Variants in KRT20 observed in about 807,000 individuals in gnomAD.
KRT20 encodes the protein keratin, type I cytoskeletal 20.
KRT20 carries 41 observed loss-of-function variants against 43.0 expected under a neutral mutation model. The ratio of observed to expected loss-of-function variants is 0.95; its 90% CI spans 0.74 to 1.24. KRT20 has a LOEUF of 1.24. Ranked by LOEUF, KRT20 falls within the 50% of genes most tolerant of loss-of-function variation. The probability of loss-of-function intolerance (pLI) is 0.00; values close to 1 mark genes in which losing one functional copy is unlikely to be tolerated. For missense variants in KRT20, 533 were observed against 521.2 expected, an observed-to-expected ratio of 1.02 and a Z score of -0.22; for synonymous variants, 207 against 200.6, an observed-to-expected ratio of 1.03 and a Z score of -0.27.
chr17:40,880,196 G>T lies in KRT20; in HGVS notation c.696C>A (p.Gly232=), dbSNP rs774695971. The T allele has an allele frequency of 8.7e-6, 14 of 1,614,022 alleles. No homozygotes were observed. The highest frequency in any genetic ancestry group is 1.1e-5 in the Non-Finnish European group (13 of 1,179,986). The change falls in exon 4 of 8, where the codon GGC becomes GGA. Residue 232 remains glycine, a synonymous_variant. Transcript: ENST00000167588. ...TVNVEVDAAP[G]LNLGVIMNEM... is the part of the protein sequence containing the mutation. ...CATTCATGATGACGCCAAGGTTCAGGCCTGGAGCAGCATCAACCTCCACAT... is the reference window on the plus strand; with the variant it reads ...CATTCATGATGACGCCAAGGTTCAGTCCTGGAGCAGCATCAACCTCCACAT...
Position 40,878,220 on chromosome 17 carries a change from A to T in KRT20, c.1064T>A (p.Ile355Asn), listed in dbSNP as rs1314212193. 1.9e-6 allele frequency: 3 copies of T among 1,613,896 alleles called. No individual in the cohort carries two copies. The African/African-American group carries it at 4.0e-5, about 22-fold the overall frequency. ...AAGTCGAGTCTTTATGTCAAGAAGG[A>T]TATGGTATTCGTTGTTCTGGCGTTC... ...NMERQNNEYH[I>N]LLDIKTRLEQ... is the part of the protein sequence containing the mutation. Residue 355 changes from isoleucine to asparagine, a missense_variant, in exon 6 of 8, where the codon ATC becomes AAC. Transcript: ENST00000167588.
chr17:40,884,432 G>A (rs1405113200), intron 1 of KRT20, among the ~76,000 whole-genome samples: 1 of 152,104 alleles, frequency 6.6e-6, no homozygotes, highest in Non-Finnish European at 1.5e-5. Flanking sequence ...ACTTGATAAG[G>A]ACTAGGTGAA....
intron 1 of KRT20, 72 bp from the exon 2 acceptor site, chr17:40,882,726 T>C (rs1907655627): frequency 3.3e-6 from 2 of 613,872 alleles, no homozygotes; most frequent in Non-Finnish European, 4.5e-6. Context: ...TATTTATTTA[T>C]TGAGACAGAA....
rs1299842981 is a variant in KRT20 at position 40,880,749 on chromosome 17, T to TGG, written c.494_495insCC (p.Arg166HisfsTer3). On this transcript the variant is annotated frameshift_variant, in exon 3 of 8. Coordinates refer to ENST00000167588, the MANE Select transcript of KRT20 (RefSeq NM_019010.3). Reference sequence around the variant, plus strand: ...GGAGATCAGCTTCCACTGTTAGACGTATTCCTCTCTCAGTCTCATACCTGT... The same window carrying TGG: ...GGAGATCAGCTTCCACTGTTAGACGTGGATTCCTCTCTCAGTCTCATACCTGT... 3.8e-6 allele frequency: 6 copies of TGG among 1,563,730 alleles called. 1 individual carries two copies. In the South Asian group the frequency reaches 7.3e-5, roughly 19 times the overall value.
Position 40,880,127 on chromosome 17 carries a change from T to C in KRT20, c.765A>G (p.Gln255=), listed in dbSNP as rs778503424. The part of the protein sequence containing the change: ...KYEVMAQKNL[Q]EAKEQFERQT... ...GTCTCTCAAACTGTTCTTTGGCCTC[T>C]TGAAGGTTCTTCTGGGCCATGACTT... Residue 255 remains glutamine (Q), a synonymous_variant, in exon 4 of 8, where the codon CAA becomes CAG. Coordinates refer to ENST00000167588, the MANE Select transcript of KRT20 (RefSeq NM_019010.3). 8 of 1,613,972 alleles carry C rather than the reference T, an allele frequency of 5.0e-6. No homozygotes were observed. The highest frequency in any genetic ancestry group is 1.7e-5 in the Admixed American group (1 of 59,982).
intron 2 of KRT20, 199 bp downstream of exon 2, chr17:40,882,373 G>A (rs1907635277): frequency 6.9e-6 from 2 of 290,454 alleles, no homozygotes; most frequent in Non-Finnish European, 1.3e-5. Context: ...GTTACATGCC[G>A]GGGGATCAAG....
chr17:40,878,342 T>C lies in KRT20; in HGVS notation c.942A>G (p.Leu314=), dbSNP rs1907440822. The part of the protein sequence containing the change: ...LSMKESLEHT[L]EETKARYSSQ... The stretch of plus-strand genomic sequence containing the variant: ...TGCTGTAACGGGCCTTGGTCTCCTC[T>C]AGAGTGTGCTCCAAAGACTCTTTCT... The change falls in exon 6 of 8, where the codon CTA becomes CTG. Residue 314 remains leucine, a synonymous_variant. Transcript: ENST00000167588. 1 of 1,614,084 alleles carries C rather than the reference T, an allele frequency of 6.2e-7. No homozygotes were observed. The highest frequency in any genetic ancestry group is 8.5e-7 in the Non-Finnish European group (1 of 1,179,966).
Position 40,878,246 on chromosome 17 carries a change from C to T in KRT20, c.1038G>A (p.Met346Ile), listed in dbSNP as rs1176501022. ...TATGGTATTCGTTGTTCTGGCGTTC[C>T]ATGTTACTCCGAATCTGCATCAGTT... ...EAQLMQIRSN[M>I]ERQNNEYHIL... The change falls in exon 6 of 8, where the codon ATG (methionine) becomes ATA (isoleucine). Residue 346 changes from methionine to isoleucine, a missense_variant. By Grantham distance (10) the Met-to-Ile change is conservative (BLOSUM62 1). Transcript: ENST00000167588. The T allele has an allele frequency of 5.0e-6, 8 of 1,613,920 alleles. No homozygotes were observed. Among genetic ancestry groups the T allele is most frequent in the Middle Eastern group, 3.3e-4 (2 of 6,084 alleles).
chr17:40,880,346 G>T (rs1907541075), intron 3 of KRT20, 85 bp from the exon 4 acceptor site: 1 of 1,265,140 alleles, frequency 7.9e-7, no homozygotes, highest in Non-Finnish European at 1.1e-6. Flanking sequence ...GGAGTCTCAT[G>T]ACCTCTTTCA....
At chr17:40,879,779 C>A in intron 5 of KRT20, 34 bp downstream of exon 5, 1 of 1,611,180 alleles carries the variant, frequency 6.2e-7, no homozygotes, top group Non-Finnish European at 8.5e-7. Flanking sequence ...TAAACACATA[C>A]TAGATTGAGA....
At chr17:40,880,057 A>G in intron 4 of KRT20, 43 bp downstream of exon 4, 1 of 1,594,574 alleles carries the variant, frequency 6.3e-7, no homozygotes, top group Non-Finnish European at 8.6e-7. Flanking sequence ...TTCTGGAGGA[A>G]AGCATCTACA....
At position 40,880,693 on chromosome 17, in the gene KRT20, G is replaced by C; in HGVS notation, c.551C>G (p.Thr184Ser). 6.2e-7 allele frequency: 1 copy of C among 1,610,076 alleles called. No homozygotes were observed. The highest frequency in any genetic ancestry group is 1.1e-5 in the South Asian group (1 of 90,426). ...AATCTCCAAATCTGTTTTATGTAGG[G>C]TTAGGTCATCAAAGACCTTATTCAG... Reference protein sequence around the residue: ...QGLNKVFDDLTLHKTDLEIQI... With the variant: ...QGLNKVFDDLSLHKTDLEIQI... The change falls in exon 3 of 8, where the codon ACC becomes AGC. Residue 184 changes from threonine to serine, a missense_variant. Transcript: ENST00000167588.
chr17:40,878,236 T>C lies in KRT20; in HGVS notation c.1048A>G (p.Asn350Asp), dbSNP rs1351208829. The C allele has an allele frequency of 6.2e-7, 1 of 1,614,140 alleles. No individual in the cohort carries two copies. Among genetic ancestry groups the C allele is most frequent in the East Asian group, 2.2e-5 (1 of 44,860 alleles). The change falls in exon 6 of 8, where the codon AAC becomes GAC. Residue 350 changes from asparagine to aspartate, a missense_variant. Coordinates refer to ENST00000167588, the MANE Select transcript of KRT20 (RefSeq NM_019010.3). ...TCAAGAAGGATATGGTATTCGTTGT[T>C]CTGGCGTTCCATGTTACTCCGAATC... ...MQIRSNMERQ[N>D]NEYHILLDIK...
In KRT20 at chr17:40,880,182, A is replaced by C. The variant is rs1253087772; in HGVS notation, c.710T>G (p.Val237Gly). Reference sequence around the variant, plus strand: ...CTTCTGCCTCATTTCATTCATGATGACGCCAAGGTTCAGGCCTGGAGCAGC... The same window carrying C: ...CTTCTGCCTCATTTCATTCATGATGCCGCCAAGGTTCAGGCCTGGAGCAGC... ...VDAAPGLNLGVIMNEMRQKYE... is the reference protein window; with the variant it reads ...VDAAPGLNLGGIMNEMRQKYE... Residue 237 changes from valine to glycine, a missense_variant, in exon 4 of 8, where the codon GTC (valine) becomes GGC (glycine). Transcript: ENST00000167588. 6.2e-7 allele frequency: 1 copy of C among 1,614,098 alleles called. No individual in the cohort carries two copies. The highest frequency in any genetic ancestry group is 8.5e-7 in the Non-Finnish European group (1 of 1,180,018).
At position 40,878,230 on chromosome 17, in the gene KRT20, C is replaced by T. The variant is rs759372551; in HGVS notation, c.1054G>A (p.Glu352Lys). 69 of 1,613,892 alleles carry T rather than the reference C, an allele frequency of 4.3e-5. 1 individual carries two copies. The South Asian group carries it at 7.0e-4, about 16-fold the overall frequency. The change falls in exon 6 of 8, where the codon GAA becomes AAA. Residue 352 changes from glutamate (E) to lysine (K), a missense_variant. Physicochemically the swap from Glu to Lys is moderately conservative, Grantham distance 56 (BLOSUM62 1). Transcript: ENST00000167588. ...TTTATGTCAAGAAGGATATGGTATT[C>T]GTTGTTCTGGCGTTCCATGTTACTC... ...IRSNMERQNN[E>K]YHILLDIKTR... is the part of the protein sequence containing the mutation.
chr17:40,879,366 A>G (rs1455542952), intron 5 of KRT20, among the ~76,000 whole-genome samples: 1 of 152,208 alleles, frequency 6.6e-6, no homozygotes, highest in Admixed American at 6.5e-5. Flanking sequence ...TAATGGACAC[A>G]TACAGGGGAA....
intron 6 of KRT20, 58 bp from the exon 7 acceptor site, chr17:40,877,475 T>G (rs62065928): frequency 0.047 from 53,081 of 1,127,930 alleles, 1,602 homozygotes; most frequent in African/African-American, 0.074. Context: ...ATTATTGCTG[T>G]TTTGAAAATG....
In KRT20 at chr17:40,878,204, C is replaced by A. The variant is rs1907431055; in HGVS notation, c.1080G>T (p.Lys360Asn). Residue 360 changes from lysine (K) to asparagine (N), a missense_variant, in exon 6 of 8, where the codon AAG becomes AAT. Transcript: ENST00000167588. Reference sequence around the variant, plus strand: ...TAGCAATTTCCTGTTCAAGTCGAGTCTTTATGTCAAGAAGGATATGGTATT... The same window carrying A: ...TAGCAATTTCCTGTTCAAGTCGAGTATTTATGTCAAGAAGGATATGGTATT... Reference protein sequence around the residue: ...NNEYHILLDIKTRLEQEIATY... With the variant: ...NNEYHILLDINTRLEQEIATY... 1 of 1,613,930 alleles carries A rather than the reference C, an allele frequency of 6.2e-7. No individual in the cohort carries two copies. Among genetic ancestry groups the A allele is most frequent in the African/African-American group, 1.3e-5 (1 of 74,854 alleles).
At chr17:40,876,496 C>T in intron 7 of KRT20, 38 bp from the exon 8 acceptor site, 1 of 1,158,748 alleles carries the variant, frequency 8.6e-7, no homozygotes, top group African/African-American at 1.5e-5. Flanking sequence ...AATTCAGGCA[C>T]ATGACTCTGC....
Sources: gnomAD v4.1 joint callset for allele counts (sites outside exome capture counted in the v4.1 genomes callset) on GRCh38, gnomAD v4.1.1 for gene constraint, MANE v1.5 for transcripts, NCBI Gene and HGNC (gene_info 2026-07-23, HGNC 2026-07-21) for gene names.